PHACTR2: variants seen among roughly 807,000 people sequenced by gnomAD.
PHACTR2 encodes the protein phosphatase and actin regulator 2, also known as chromosome 6 open reading frame 56.
In PHACTR2, 30 loss-of-function variants were observed where a neutral mutation model predicts 76.0. The observed-to-expected ratio is 0.39, with a 90% CI of 0.30 to 0.54. PHACTR2 has a LOEUF of 0.54. PHACTR2 is among the 20% of genes least tolerant of loss of function. The pLI is 0.61. For synonymous variants in PHACTR2, 292 were observed against 292.5 expected (o/e 1.00, Z 0.02); for missense variants, 696 against 781.1 (o/e 0.89, Z 1.30).
In PHACTR2 at chr6:143,700,829, AGTT is replaced by A. The variant is rs1777893488; in HGVS notation, c.47-11181_47-11179del. Among the ~76,000 whole-genome samples, 1 of 152,242 alleles carries A rather than the reference AGTT, an allele frequency of 6.6e-6. No homozygotes were observed. Among genetic ancestry groups the A allele is most frequent in the African/African-American group, 2.4e-5 (1 of 41,538 alleles). On this transcript the variant is annotated intron_variant, in intron 1 of 12. Transcript: ENST00000440869. This position sits in a 1 kb window ranked among gnomAD's most constrained non-coding sequence, Gnocchi z 4.1. ...GACCTGCTCCACTTCAGACTCCGGG[AGTT>A]GTTGTATATGACTAACATCTACGGG...
rs1778143823 is a variant in PHACTR2 at position 143,710,174 on chromosome 6, T to G, written c.47-1842T>G. On this transcript the variant is annotated intron_variant, in intron 1 of 12. Transcript: ENST00000440869. The surrounding 1 kb of genome is among the most constrained non-coding windows in gnomAD (Gnocchi z 4.9). ...GTGCCCATTGGTGTTTCTGGGTTGC[T>G]GGCTTCCATGCTTGTTGGCCTTTCG... Among the ~76,000 whole-genome samples the G allele has an allele frequency of 2.0e-5, 3 of 152,186 alleles. No individual in the cohort carries two copies. The highest frequency in any genetic ancestry group is 2.0e-4 in the Admixed American group (3 of 15,280).
chr6:143,630,172 A>G (rs1381980838), intron 1 of PHACTR2, among the ~76,000 whole-genome samples: 1 of 150,294 alleles, frequency 6.7e-6, no homozygotes, highest in Non-Finnish European at 1.5e-5. Context: ...ATAAATGTTT[A>G]TAAATATTAT....
At position 143,597,532 on chromosome 6, in the gene PHACTR2, G is replaced by T. The variant is rs1369321410; in HGVS notation, c.217+60325G>T. On this transcript the variant is annotated intron_variant, in intron 1 of 11. Transcript: ENST00000367584. This position sits in a 1 kb window ranked among gnomAD's most constrained non-coding sequence, Gnocchi z 5.7. Reference sequence around the variant, plus strand: ...AAGGTGTATTACATATGTCATCTTTGCAGAGTTCAGTTGTAATTTGTCCTG... The same window carrying T: ...AAGGTGTATTACATATGTCATCTTTTCAGAGTTCAGTTGTAATTTGTCCTG... 6.6e-6 allele frequency among the ~76,000 whole-genome samples: 1 copy of T among 152,204 alleles called. No individual in the cohort carries two copies.
In PHACTR2 at chr6:143,803,435, C is replaced by G. The variant is rs186834488; in HGVS notation, c.1846-3622C>G. On this transcript the variant is annotated intron_variant, in intron 11 of 12. Transcript: ENST00000440869. This position sits in a 1 kb window ranked among gnomAD's most constrained non-coding sequence, Gnocchi z 4.7. The stretch of plus-strand genomic sequence containing the variant: ...TGATGGCGCACACCTGTAGGCCCAG[C>G]CACTCAGGAGGCTGAGGTGGGAGAA... Among the ~76,000 whole-genome samples the G allele has an allele frequency of 2.0e-5, 3 of 152,208 alleles. No homozygotes were observed. The highest frequency in any genetic ancestry group is 7.2e-5 in the African/African-American group (3 of 41,522).
chr6:143,566,916 T>TC (rs148152083), intron 1 of PHACTR2, among the ~76,000 whole-genome samples: 1,614 of 152,146 alleles, frequency 0.011, 27 homozygotes, highest in African/African-American at 0.036. Context: ...CATTCAAATT[T>TC]CCCCCATTGT....
rs1776075941 is a variant in PHACTR2, at chr6:143,617,487, C to T, written c.13+9165C>T. ...ACCCATCTCTGTGCCCCACCCTAGA[C>T]AAATTCAGTCCGGGACTTTGGAGTG... On this transcript the variant is annotated intron_variant, in intron 1 of 11. Coordinates refer to the PHACTR2 transcript ENST00000305766. The surrounding 1 kb of genome is among the most constrained non-coding windows in gnomAD (Gnocchi z 4.8). 1.3e-5 allele frequency among the ~76,000 whole-genome samples: 2 copies of T among 152,242 alleles called. No homozygotes were observed. Among genetic ancestry groups the T allele is most frequent in the South Asian group, 4.1e-4 (2 of 4,836 alleles).
intron 12 of PHACTR2, among the ~76,000 whole-genome samples, chr6:143,813,075 G>A (rs1200349426): frequency 2.0e-5 from 3 of 152,156 alleles, no homozygotes; most frequent in Non-Finnish European, 4.4e-5. Context: ...GTTATCAAGA[G>A]AGAATATCGC....
intron 1 of PHACTR2, among the ~76,000 whole-genome samples, chr6:143,588,693 A>T (rs1775655077): frequency 6.6e-6 from 1 of 152,242 alleles, no homozygotes; most frequent in African/African-American, 2.4e-5. Context: ...AGACTGATGA[A>T]AATGACACAC....
chr6:143,644,090 G>A (rs1776613402), intron 1 of PHACTR2, among the ~76,000 whole-genome samples: 1 of 152,100 alleles, frequency 6.6e-6, no homozygotes, highest in South Asian at 2.1e-4. Flanking sequence ...GTCATTTTAA[G>A]CTATTGCCAG....
rs191105871 is a variant in PHACTR2, at chr6:143,583,247, A to G, written c.217+46040A>G. 1.1e-3 allele frequency among the ~76,000 whole-genome samples: 171 copies of G among 152,352 alleles called. No individual in the cohort carries two copies. The highest frequency in any genetic ancestry group is 1.9e-3 in the Non-Finnish European group (128 of 68,040). On this transcript the variant is annotated intron_variant, in intron 1 of 11. Transcript: ENST00000367584. The surrounding 1 kb of genome is among the most constrained non-coding windows in gnomAD (Gnocchi z 4.0). Reference sequence around the variant, plus strand: ...CCATTTCTGGGAACCCAGAAGATTGAGTCCCTTTTACTAAACCATGATTTA... The same window carrying G: ...CCATTTCTGGGAACCCAGAAGATTGGGTCCCTTTTACTAAACCATGATTTA...
chr6:143,649,856 G>C (rs1776726810), intron 1 of PHACTR2, among the ~76,000 whole-genome samples: 1 of 152,162 alleles, frequency 6.6e-6, no homozygotes, highest in Non-Finnish European at 1.5e-5. Flanking sequence ...AATCAGGCAA[G>C]AGAAAGAAAT....
chr6:143,807,190 G>T lies in PHACTR2; in HGVS notation c.1922+57G>T. 1.0e-6 allele frequency: 1 copy of T among 995,794 alleles called. No individual in the cohort carries two copies. Among genetic ancestry groups the T allele is most frequent in the South Asian group, 1.4e-5 (1 of 70,860 alleles). 61.7% of individuals were successfully genotyped at this position (995,794 alleles called of 1,614,324 possible). A position where few individuals can be genotyped will look rare whatever the true frequency, so the allele number is the denominator to read the frequency against. On this transcript the variant is annotated intron_variant, in intron 12 of 12. Transcript: ENST00000440869. The surrounding 1 kb of genome is among the most constrained non-coding windows in gnomAD (Gnocchi z 5.5). ...AATGCTTAAGATGTGATCCCATGTT[G>T]AGTTGGTTAAAAAAAGAAATTGCTT...
At chr6:143,660,287 C>T (rs1294737677) in intron 1 of PHACTR2, among the ~76,000 whole-genome samples, 1 of 151,514 alleles carries the variant, frequency 6.6e-6, no homozygotes, top group Non-Finnish European at 1.5e-5. Flanking sequence ...TTCTACATGG[C>T]TAAGGAGGCC....
Position 143,618,958 on chromosome 6 carries a change from T to A in PHACTR2, c.13+10636T>A, listed in dbSNP as rs59367491. 0.088 allele frequency among the ~76,000 whole-genome samples: 13,356 copies of A among 152,156 alleles called. 592 individuals are homozygous for A. Among genetic ancestry groups the A allele is most frequent in the East Asian group, 0.14 (699 of 5,168 alleles). ...TACCTGGCAGAGGAGGTGTGTTCCA[T>A]AAGCAGGCAAATGAATACACTAGCT... On this transcript the variant is annotated intron_variant, in intron 1 of 11. Transcript: ENST00000305766. The surrounding 1 kb of genome is among the most constrained non-coding windows in gnomAD (Gnocchi z 5.2).
At chr6:143,563,907 G>A (rs1442634255) in intron 1 of PHACTR2, among the ~76,000 whole-genome samples, 1 of 151,878 alleles carries the variant, frequency 6.6e-6, no homozygotes, top group African/African-American at 2.4e-5. Context: ...GGGAGGTTGA[G>A]GTGGGAGGAT....
rs1199257164 is a variant in PHACTR2 at position 143,733,239 on chromosome 6, A to G, written c.215-15746A>G. On this transcript the variant is annotated intron_variant, in intron 2 of 12. Transcript: ENST00000440869. The surrounding 1 kb of genome is among the most constrained non-coding windows in gnomAD (Gnocchi z 4.0). ...CTACCTTACTTTTTTCATTTTCCAT[A>G]GCACATTTTACCGTCTAACATCTAT... 1.3e-5 allele frequency among the ~76,000 whole-genome samples: 2 copies of G among 152,018 alleles called. No individual in the cohort carries two copies. Among genetic ancestry groups the G allele is most frequent in the Non-Finnish European group, 2.9e-5 (2 of 68,020 alleles).
At chr6:143,712,228 C>T (rs748227010) in intron 2 of PHACTR2, 45 bp downstream of exon 2, 15 of 1,279,726 alleles carry the variant, frequency 1.2e-5, no homozygotes, top group East Asian at 5.4e-5. Context: ...AATTGTAAAA[C>T]GTTTTAAAAG....
rs954584377 is a variant in PHACTR2, at chr6:143,597,098, T to A, written c.217+59891T>A. 1.3e-5 allele frequency among the ~76,000 whole-genome samples: 2 copies of A among 152,254 alleles called. No individual in the cohort carries two copies. Among genetic ancestry groups the A allele is most frequent in the African/African-American group, 4.8e-5 (2 of 41,478 alleles). ...ACTCTGGATCTTTCTACACTTGGCA[T>A]GTATTTTCCCCTCTGTGTTCTCACG... On this transcript the variant is annotated intron_variant, in intron 1 of 11. Transcript: ENST00000367584. The surrounding 1 kb of genome is among the most constrained non-coding windows in gnomAD (Gnocchi z 5.7).
Position 143,689,084 on chromosome 6 carries a change from C to G in PHACTR2, c.46+10875C>G, listed in dbSNP as rs915824752. Among the ~76,000 whole-genome samples the G allele has an allele frequency of 1.3e-5, 2 of 152,172 alleles. No homozygotes were observed. Among genetic ancestry groups the G allele is most frequent in the East Asian group, 1.9e-4 (1 of 5,176 alleles). ...CCCATGGACCTTGGCCGTTGCTGCA[C>G]CCTGTTTGAGACACTCTTCCCTTCG... is the stretch of plus-strand genomic sequence containing the variant. On this transcript the variant is annotated intron_variant, in intron 1 of 12. Coordinates refer to ENST00000440869, the MANE Select transcript of PHACTR2 (RefSeq NM_001100164.2). This position sits in a 1 kb window ranked among gnomAD's most constrained non-coding sequence, Gnocchi z 4.4.
Sources: gnomAD v4.1 joint callset for allele counts (sites outside exome capture counted in the v4.1 genomes callset) on GRCh38, gnomAD v4.1.1 for gene constraint, Gnocchi (gnomAD v3.1) non-coding constraint, MANE v1.5 for transcripts, NCBI Gene and HGNC (gene_info 2026-07-23, HGNC 2026-07-21) for gene names.